Variants in STAM observed in about 807,000 individuals in gnomAD.
STAM encodes signal transducing adaptor molecule.
In STAM, 16 loss-of-function variants were observed where a neutral mutation model predicts 63.4. The observed-to-expected ratio is 0.25, with a 90% CI of 0.17 to 0.38. The LOEUF (loss-of-function observed/expected upper bound fraction) is 0.38, where lower values mean the gene tolerates loss of function less well. Among genes scored for constraint, STAM ranks in the 10% least tolerant of loss-of-function variants. The probability of loss-of-function intolerance (pLI) is 1.00; values close to 1 mark genes in which losing one functional copy is unlikely to be tolerated. For synonymous variants in STAM, 238 were observed against 223.9 expected, an observed-to-expected ratio of 1.06 and a Z score of -0.56; for missense variants, 636 against 657.1, an observed-to-expected ratio of 0.97 and a Z score of 0.35.
In STAM at chr10:17,708,937, G is replaced by A; in HGVS notation, c.1371G>A (p.Gln457=). 3 of 1,613,742 alleles carry A rather than the reference G, an allele frequency of 1.9e-6. No homozygotes were observed. The highest frequency in any genetic ancestry group is 1.3e-5 in the African/African-American group (1 of 75,022). The change falls in exon 13 of 14, where the codon CAG becomes CAA. Residue 457 remains glutamine (Q), a synonymous_variant. Coordinates refer to ENST00000377524, the MANE Select transcript of STAM (RefSeq NM_003473.4). Reference sequence around the variant, plus strand: ...CAGCCCTTCCTAGTCAGCAGACTCAGGCCGCTTACCCAAAGTAATTTTACT... The same window carrying A: ...CAGCCCTTCCTAGTCAGCAGACTCAAGCCGCTTACCCAAAGTAATTTTACT... ...ANPALPSQQT[Q]AAYPNTMVSS...
intron 1 of STAM, among the ~76,000 whole-genome samples, chr10:17,654,729 C>T (rs910317293): frequency 2.0e-5 from 3 of 152,066 alleles, no homozygotes; most frequent in Non-Finnish European, 4.4e-5. Flanking sequence ...TGAGCTAGTT[C>T]TCCTCTTTTC....
Position 17,644,194 on chromosome 10 carries a change from G to C in STAM, c.-146G>C, listed in dbSNP as rs961798169. On this transcript the variant is annotated 5_prime_UTR_variant, in exon 1 of 14. Transcript: ENST00000377524. ...CGCAGCTGCTGCCGCGGTTGGTGGG[G>C]TTGGGTGAGAGGAGGAGCTGTCGCG... 1.2e-6 allele frequency: 1 copy of C among 825,420 alleles called. No homozygotes were observed. Among genetic ancestry groups the C allele is most frequent in the African/African-American group, 1.7e-5 (1 of 58,618 alleles). 51.1% of individuals were successfully genotyped at this position (825,420 alleles called of 1,614,324 possible).
chr10:17,676,088 A>G (rs143094182), intron 2 of STAM, among the ~76,000 whole-genome samples: 104 of 152,314 alleles, frequency 6.8e-4, no homozygotes, highest in Middle Eastern at 3.4e-3. Context: ...AGTTCTGCAG[A>G]GTTTGTGTTT....
intron 8 of STAM, among the ~76,000 whole-genome samples, chr10:17,699,634 CT>C (rs1259988543): frequency 3.3e-5 from 5 of 152,190 alleles, no homozygotes; most frequent in Non-Finnish European, 5.9e-5. Flanking sequence ...ACTGAGACCC[CT>C]GTCAAGGCCA....
chr10:17,644,235 G>A lies in STAM; in HGVS notation c.-105G>A, dbSNP rs45579031. 76,947 of 1,252,090 alleles carry A rather than the reference G, an allele frequency of 0.061. 2,733 individuals are homozygous for A. The highest frequency in any genetic ancestry group is 0.12 in the Middle Eastern group (671 of 5,396). 77.6% of individuals were successfully genotyped at this position (1,252,090 alleles called of 1,614,324 possible). ...AGCTGTCGCGGACCCTGTAGAGTCG[G>A]TCTCTGTTGCTCTTTTTGCCTGAGG... On this transcript the variant is annotated 5_prime_UTR_variant, in exon 1 of 14. Transcript: ENST00000377524.
chr10:17,659,895 G>T (rs1266875958), intron 1 of STAM, among the ~76,000 whole-genome samples: 1 of 152,080 alleles, frequency 6.6e-6, no homozygotes, highest in African/African-American at 2.4e-5. Flanking sequence ...TTTTTGTTGA[G>T]AAAGTGTTTA....
chr10:17,673,677 A>T (rs1416645830), intron 2 of STAM, among the ~76,000 whole-genome samples: 3 of 152,220 alleles, frequency 2.0e-5, no homozygotes, highest in African/African-American at 7.2e-5. Context: ...AAAACCCCGC[A>T]AACCAACCCA....
At chr10:17,683,133 A>T (rs1166016860) in intron 2 of STAM, among the ~76,000 whole-genome samples, 3 of 152,044 alleles carry the variant, frequency 2.0e-5, no homozygotes, top group Non-Finnish European at 4.4e-5. Context: ...TTTGTGTATC[A>T]ATCAAATGGT....
intron 9 of STAM, among the ~76,000 whole-genome samples, chr10:17,700,587 ATT>A (rs58878170): frequency 3.1e-4 from 45 of 146,102 alleles, no homozygotes; most frequent in East Asian, 5.9e-4. Flanking sequence ...TAGTAGTGAG[ATT>A]TTTTTTTTTT....
intron 13 of STAM, among the ~76,000 whole-genome samples, chr10:17,714,230 G>C (rs540254639): frequency 2.0e-5 from 3 of 152,064 alleles, no homozygotes; most frequent in Non-Finnish European, 4.4e-5. Flanking sequence ...AGAACCACTT[G>C]ACACACGATA....
intron 10 of STAM, 66 bp from the exon 11 acceptor site, chr10:17,704,904 T>C (rs1261394035): frequency 3.9e-6 from 5 of 1,275,752 alleles, no homozygotes; most frequent in East Asian, 4.6e-5. Context: ...TATACAAATA[T>C]CTATCAAAGG....
chr10:17,660,175 A>T (rs1834106498), intron 1 of STAM, among the ~76,000 whole-genome samples: 1 of 152,146 alleles, frequency 6.6e-6, no homozygotes, highest in Non-Finnish European at 1.5e-5. Context: ...TAGTCTTTCT[A>T]TTTGCAGATG....
rs570735315 is a variant in STAM, at chr10:17,715,912, C to A, written c.*1132C>A. ...AAATAAGTAGATGTTTCAAAGTAAT[C>A]TACATTCCTGGCTTTGCTTAACGTT... On this transcript the variant is annotated 3_prime_UTR_variant, in exon 14 of 14. Coordinates refer to ENST00000377524, the MANE Select transcript of STAM (RefSeq NM_003473.4). 2.0e-5 allele frequency: 3 copies of A among 152,684 alleles called. No individual in the cohort carries two copies. The highest frequency in any genetic ancestry group is 3.9e-4 in the East Asian group (2 of 5,190). The allele number at this position is 152,684 out of a possible 1,614,324, so 9.5% of individuals were successfully genotyped here.
chr10:17,688,623 T>C (rs1835399342), intron 5 of STAM, among the ~76,000 whole-genome samples: 2 of 150,968 alleles, frequency 1.3e-5, no homozygotes, highest in Admixed American at 1.3e-4. Context: ...CAGCCAGACC[T>C]GGAAATTTTT....
chr10:17,693,663 A>G (rs1835639661), intron 6 of STAM, among the ~76,000 whole-genome samples: 1 of 152,172 alleles, frequency 6.6e-6, no homozygotes, highest in Admixed American at 6.5e-5. Context: ...ATATCCATTA[A>G]CTGTTCTATA....
intron 4 of STAM, among the ~76,000 whole-genome samples, chr10:17,686,799 TAGAA>T (rs1264334376): frequency 6.6e-6 from 1 of 152,232 alleles, no homozygotes; most frequent in Non-Finnish European, 1.5e-5. Flanking sequence ...CATGTGCACT[TAGAA>T]AGAATTTTTT....
At chr10:17,693,803 TA>T (rs1466828180) in intron 6 of STAM, among the ~76,000 whole-genome samples, 1 of 152,182 alleles carries the variant, frequency 6.6e-6, no homozygotes, top group African/African-American at 2.4e-5. Flanking sequence ...TCTGTGCACA[TA>T]TATGTGACCG....
intron 2 of STAM, among the ~76,000 whole-genome samples, chr10:17,681,822 G>C (rs1835098435): frequency 6.6e-6 from 1 of 152,204 alleles, no homozygotes; most frequent in Non-Finnish European, 1.5e-5. Context: ...GGAGGACTTG[G>C]TTTGCTGTGA....
At chr10:17,653,148 A>G (rs1434479666) in intron 1 of STAM, among the ~76,000 whole-genome samples, 1 of 152,198 alleles carries the variant, frequency 6.6e-6, no homozygotes, top group African/African-American at 2.4e-5. Context: ...CCTGGGAAGG[A>G]TAGGGACCTG....
Sources: gnomAD v4.1 joint callset for allele counts (sites outside exome capture counted in the v4.1 genomes callset) on GRCh38, gnomAD v4.1.1 for gene constraint, MANE v1.5 for transcripts, NCBI Gene and HGNC (gene_info 2026-07-23, HGNC 2026-07-21) for gene names.